CSMD1: variants seen among roughly 807,000 people sequenced by gnomAD.
CSMD1 encodes CUB and Sushi multiple domains 1, also known as CUB and sushi domain-containing protein 1.
A neutral mutation model predicts 417.5 loss-of-function variants in CSMD1; 213 were observed. The ratio of observed to expected loss-of-function variants is 0.51; its 90% CI spans 0.46 to 0.57. CSMD1 has a LOEUF of 0.57. Ranked by LOEUF, CSMD1 falls within the 20% of genes least tolerant of loss-of-function variation. The pLI, the probability that CSMD1 is intolerant of heterozygous loss-of-function variation, is 0.00. For missense variants in CSMD1, 6,923 were observed against 4,529.7 expected (o/e 1.53, Z -15.17); for synonymous variants, 2,862 against 1,736.8 (o/e 1.65, Z -16.11).
chr8:4,909,511 G>C (rs987710652), intron 1 of CSMD1, among the ~76,000 whole-genome samples: 3 of 152,128 alleles, frequency 2.0e-5, no homozygotes, highest in African/African-American at 7.2e-5. Context: ...TAAAGAGAAA[G>C]CCTTCCTGAT....
chr8:3,350,541 T>C (rs1398777341), intron 21 of CSMD1, among the ~76,000 whole-genome samples: 1 of 152,186 alleles, frequency 6.6e-6, no homozygotes, highest in Non-Finnish European at 1.5e-5. Context: ...CACTTACATG[T>C]ACTTTAAAAT....
At chr8:3,802,142 A>G (rs1261991073) in intron 5 of CSMD1, among the ~76,000 whole-genome samples, 2 of 152,192 alleles carry the variant, frequency 1.3e-5, no homozygotes, top group Non-Finnish European at 2.9e-5. Context: ...ATCCTCAGAT[A>G]CTGCAGCATT....
intron 2 of CSMD1, among the ~76,000 whole-genome samples, chr8:4,578,400 C>G (rs1232479833): frequency 7.5e-6 from 1 of 133,768 alleles, no homozygotes; most frequent in Non-Finnish European, 1.5e-5. Context: ...AGGATGTTCT[C>G]GATCTCCTGA....
At chr8:4,797,226 G>A (rs1798029669) in intron 1 of CSMD1, among the ~76,000 whole-genome samples, 1 of 152,180 alleles carries the variant, frequency 6.6e-6, no homozygotes, top group Non-Finnish European at 1.5e-5. Context: ...TCCAATGAGG[G>A]AGATGAGGTT....
chr8:4,933,066 T>G (rs202099286), intron 1 of CSMD1, among the ~76,000 whole-genome samples: 1 of 150,672 alleles, frequency 6.6e-6, no homozygotes, highest in African/African-American at 2.4e-5. Context: ...AGGTAATCAA[T>G]AGCACTTTCT....
Position 3,407,903 on chromosome 8 carries a change from G to T in CSMD1, c.2067C>A (p.Tyr689Ter), listed in dbSNP as rs1202975887. ...STTGRGFNIT[Y>*]TTFGQNECHD... ...TGACTGTGTGGGCGTACTTACTGGT[G>T]TAAGTGATGTTGAACCCTCTGCCAG... The change falls in exon 14 of 70, where the codon TAC (tyrosine) becomes TAA (stop). Residue 689 changes from tyrosine to a stop codon, truncating the protein, a stop_gained. Transcript: ENST00000635120. LOFTEE classifies it high-confidence loss of function. The T allele has an allele frequency of 6.2e-7, 1 of 1,606,534 alleles. No individual in the cohort carries two copies. The highest frequency in any genetic ancestry group is 8.5e-7 in the Non-Finnish European group (1 of 1,174,800).
At chr8:3,810,326 C>G (rs1214725914) in intron 5 of CSMD1, among the ~76,000 whole-genome samples, 1 of 152,176 alleles carries the variant, frequency 6.6e-6, no homozygotes. Flanking sequence ...ACCAGAGCCA[C>G]TGGGAAAGAA....
intron 1 of CSMD1, among the ~76,000 whole-genome samples, chr8:4,854,103 T>A (rs1444506768): frequency 1.3e-5 from 2 of 152,140 alleles, no homozygotes; most frequent in African/African-American, 4.8e-5. Context: ...ACATGAGACA[T>A]AGAACTTTTG....
At chr8:4,130,197 T>A (rs1803012631) in intron 3 of CSMD1, among the ~76,000 whole-genome samples, 1 of 152,154 alleles carries the variant, frequency 6.6e-6, no homozygotes, top group Non-Finnish European at 1.5e-5. Flanking sequence ...TTCTCTTGAG[T>A]GGCTCAGGGT....
At chr8:4,395,789 C>G (rs561818144) in intron 3 of CSMD1, among the ~76,000 whole-genome samples, 2 of 152,022 alleles carry the variant, frequency 1.3e-5, no homozygotes, top group Admixed American at 6.6e-5. Flanking sequence ...GAAGAGAATA[C>G]AATTCAATTA....
intron 2 of CSMD1, among the ~76,000 whole-genome samples, chr8:4,432,343 G>C (rs1051669344): frequency 6.6e-6 from 1 of 152,138 alleles, no homozygotes; most frequent in Non-Finnish European, 1.5e-5. Flanking sequence ...AGGACTGCTT[G>C]TAGAATCCCC....
intron 1 of CSMD1, among the ~76,000 whole-genome samples, chr8:4,701,868 T>C (rs1158320529): frequency 1.3e-5 from 2 of 152,190 alleles, no homozygotes; most frequent in African/African-American, 2.4e-5. Flanking sequence ...AACAGATGCA[T>C]CAATGATAGA....
At chr8:3,119,978 G>A (rs571627940) in intron 41 of CSMD1, among the ~76,000 whole-genome samples, 1 of 152,198 alleles carries the variant, frequency 6.6e-6, no homozygotes. Flanking sequence ...TTTCTGTGGA[G>A]AATGAAGTGA....
At chr8:3,460,930 G>A (rs1436659037) in intron 12 of CSMD1, among the ~76,000 whole-genome samples, 4 of 152,092 alleles carry the variant, frequency 2.6e-5, no homozygotes, top group East Asian at 3.9e-4. Context: ...AGAATAGAAG[G>A]GCTAGTTTTG....
intron 4 of CSMD1, among the ~76,000 whole-genome samples, chr8:4,009,247 C>A (rs776033650): frequency 3.9e-5 from 6 of 152,130 alleles, no homozygotes; most frequent in Non-Finnish European, 5.9e-5. Context: ...CTATTTCCTC[C>A]CAAGTAATTT....
At chr8:4,336,809 C>T (rs1027162755) in intron 3 of CSMD1, among the ~76,000 whole-genome samples, 10 of 152,014 alleles carry the variant, frequency 6.6e-5, no homozygotes, top group African/African-American at 2.2e-4. Context: ...GAAAGGCAGG[C>T]TCTCAGTAAC....
intron 7 of CSMD1, among the ~76,000 whole-genome samples, chr8:3,634,852 G>A (rs764973829): frequency 1.3e-5 from 2 of 152,080 alleles, no homozygotes; most frequent in East Asian, 1.9e-4. Flanking sequence ...ATCACACAGT[G>A]CACTGTGCAC....
chr8:3,584,957 T>C (rs754832283), intron 9 of CSMD1, among the ~76,000 whole-genome samples: 1 of 152,124 alleles, frequency 6.6e-6, no homozygotes, highest in Non-Finnish European at 1.5e-5. Context: ...AGTTGTCTAG[T>C]GACAAAAAGA....
intron 3 of CSMD1, among the ~76,000 whole-genome samples, chr8:4,067,708 TTAGA>T (rs1799325650): frequency 6.6e-6 from 1 of 152,158 alleles, no homozygotes; most frequent in African/African-American, 2.4e-5. Flanking sequence ...ACTTTCCATG[TTAGA>T]TAGTGTAATT....
Sources: gnomAD v4.1 joint callset for allele counts (sites outside exome capture counted in the v4.1 genomes callset) on GRCh38, gnomAD v4.1.1 for gene constraint, MANE v1.5 for transcripts, NCBI Gene and HGNC (gene_info 2026-07-23, HGNC 2026-07-21) for gene names.